Variants in CLPX observed in about 807,000 individuals in gnomAD.
CLPX encodes caseinolytic mitochondrial matrix peptidase chaperone subunit X.
CLPX carries 34 observed loss-of-function variants against 76.4 expected under a neutral mutation model. That is an observed-to-expected ratio of 0.45 (90% CI 0.34 to 0.59). The LOEUF is 0.59. CLPX is among the 20% of genes least tolerant of loss of function. The probability of loss-of-function intolerance (pLI) is 0.01; values close to 1 mark genes in which losing one functional copy is unlikely to be tolerated. For synonymous variants in CLPX, 248 were observed against 270.9 expected (o/e 0.92, Z 0.83); for missense variants, 613 against 757.0 (o/e 0.81, Z 2.23).
At chr15:65,172,065 A>G (rs2088015902) in intron 3 of CLPX, among the ~76,000 whole-genome samples, 1 of 152,068 alleles carries the variant, frequency 6.6e-6, no homozygotes, top group South Asian at 2.1e-4. Flanking sequence ...GCGCGATCTC[A>G]GCTCACCGCA....
Position 65,165,139 on chromosome 15 carries a change from C to A in CLPX, c.514-951G>T, listed in dbSNP as rs1036300279. On this transcript the variant is annotated intron_variant, in intron 4 of 13. Coordinates refer to ENST00000300107, the MANE Select transcript of CLPX (RefSeq NM_006660.5). ...ATCACTTGAGCCCAGGAGGTGCAGA[C>A]CAGCCTGGACAACATGGCAAAACCC... Among the ~76,000 whole-genome samples, 6 of 151,966 alleles carry A rather than the reference C, an allele frequency of 3.9e-5. No individual in the cohort carries two copies. In the South Asian group the frequency reaches 1.0e-3, roughly 26 times the overall value.
In CLPX at chr15:65,148,356, T is replaced by G. The variant is rs11174; in HGVS notation, c.*2467A>C. 1.3e-5 allele frequency: 2 copies of G among 152,196 alleles called. No homozygotes were observed. The highest frequency in any genetic ancestry group is 2.9e-5 in the Non-Finnish European group (2 of 68,044). 9.4% of individuals were successfully genotyped at this position (152,196 alleles called of 1,614,324 possible). A position where few individuals can be genotyped will look rare whatever the true frequency, so the allele number is the denominator to read the frequency against. ...TGTAAGTTGTTGTGACTAAAATGCCTCCCCAGTACATTTCTGGAGGATTAA... is the reference window on the plus strand; with the variant it reads ...TGTAAGTTGTTGTGACTAAAATGCCGCCCCAGTACATTTCTGGAGGATTAA... On this transcript the variant is annotated 3_prime_UTR_variant, in exon 14 of 14. Coordinates refer to ENST00000300107, the MANE Select transcript of CLPX (RefSeq NM_006660.5).
At chr15:65,151,703 T>A (rs959201197) in intron 13 of CLPX, among the ~76,000 whole-genome samples, 4 of 152,084 alleles carry the variant, frequency 2.6e-5, no homozygotes, top group South Asian at 2.1e-4. Context: ...AAATAAAAGA[T>A]TATATCTCTC....
intron 9 of CLPX, among the ~76,000 whole-genome samples, chr15:65,156,133 G>A (rs557159951): frequency 2.0e-4 from 31 of 152,198 alleles, no homozygotes; most frequent in Admixed American, 3.9e-4. Context: ...ACATAATTCT[G>A]ACATAAACAC....
chr15:65,185,257 C>T lies in CLPX; in HGVS notation c.-104G>A, dbSNP rs1184789466. 2 of 936,508 alleles carry T rather than the reference C, an allele frequency of 2.1e-6. No homozygotes were observed. Among genetic ancestry groups the T allele is most frequent in the Non-Finnish European group, 3.3e-6 (2 of 608,994 alleles). 58.0% of individuals were successfully genotyped at this position (936,508 alleles called of 1,614,324 possible). On this transcript the variant is annotated 5_prime_UTR_variant, in exon 1 of 14. Transcript: ENST00000300107. ...GCTGACTCGGTTCCGAACCCTTTCG[C>T]GGGCCCTAGACCCCGTGGAGAGTTC...
At chr15:65,168,530 T>C (rs1281977125) in intron 3 of CLPX, among the ~76,000 whole-genome samples, 3 of 136,710 alleles carry the variant, frequency 2.2e-5, no homozygotes, top group East Asian at 2.2e-4. Flanking sequence ...TTCTCACTCA[T>C]AGATGGGAAC....
At chr15:65,167,140 G>A (rs2087926381) in intron 3 of CLPX, among the ~76,000 whole-genome samples, 2 of 151,566 alleles carry the variant, frequency 1.3e-5, no homozygotes, top group South Asian at 2.1e-4. Flanking sequence ...GTGTGATCTC[G>A]GCTCACTGCA....
chr15:65,175,648 T>A (rs944374392), intron 3 of CLPX, among the ~76,000 whole-genome samples: 1 of 152,144 alleles, frequency 6.6e-6, no homozygotes, highest in Admixed American at 6.6e-5. Context: ...CTACATGAAA[T>A]CTGAAATCTG....
At chr15:65,168,227 T>C (rs1384043264) in intron 3 of CLPX, among the ~76,000 whole-genome samples, 3 of 149,550 alleles carry the variant, frequency 2.0e-5, no homozygotes, top group Non-Finnish European at 3.0e-5. Context: ...CTACTAAAAA[T>C]AGAAAAATTA....
intron 3 of CLPX, among the ~76,000 whole-genome samples, chr15:65,173,292 G>A (rs1014260827): frequency 6.6e-6 from 1 of 151,258 alleles, no homozygotes; most frequent in African/African-American, 2.4e-5. Context: ...GCTTGAATCT[G>A]GGAGGTGGAG....
At chr15:65,158,083 G>C (rs2087812067) in intron 7 of CLPX, 173 bp from the exon 8 acceptor site, 3 of 535,230 alleles carry the variant, frequency 5.6e-6, no homozygotes, top group Non-Finnish European at 9.6e-6. Flanking sequence ...ACCCAGGCTG[G>C]AGTGCAGCCT....
At chr15:65,160,623 TCACACA>T (rs375655324) in intron 6 of CLPX, among the ~76,000 whole-genome samples, 307 of 101,012 alleles carry the variant, frequency 3.0e-3, no homozygotes, top group South Asian at 7.7e-3. Context: ...TCTCTCTCTC[TCACACA>T]CACACACACA....
chr15:65,177,992 C>T (rs962798084), intron 3 of CLPX, among the ~76,000 whole-genome samples: 4 of 152,062 alleles, frequency 2.6e-5, no homozygotes, highest in African/African-American at 4.8e-5. Flanking sequence ...TGGGGTTTTG[C>T]CATGTTGCTC....
intron 1 of CLPX, chr15:65,184,290 T>TG (rs1242469126): frequency 6.6e-6 from 1 of 152,254 alleles, no homozygotes; most frequent in Non-Finnish European, 1.5e-5. Flanking sequence ...CTCTCTTGGC[T>TG]GGGGCGCCAT....
intron 2 of CLPX, among the ~76,000 whole-genome samples, chr15:65,179,427 C>T (rs1049770475): frequency 6.6e-6 from 1 of 152,162 alleles, no homozygotes; most frequent in Non-Finnish European, 1.5e-5. Context: ...TTAGATCTAA[C>T]TTTTCTCATC....
At chr15:65,178,142 G>A (rs2088114005) in intron 3 of CLPX, among the ~76,000 whole-genome samples, 1 of 152,058 alleles carries the variant, frequency 6.6e-6, no homozygotes. Context: ...ATTATCAGAT[G>A]CTTCCCGGAA....
At chr15:65,157,647 T>C in intron 8 of CLPX, 99 bp downstream of exon 8, 1 of 1,136,190 alleles carries the variant, frequency 8.8e-7, no homozygotes, top group Non-Finnish European at 1.2e-6. Flanking sequence ...AATTACAGAA[T>C]TTTAGTCCTT....
chr15:65,153,563 C>T lies in CLPX; in HGVS notation c.1688G>A (p.Gly563Asp). ...CCAACTCACCATTATGGACCGAAGGCCTCGTGCACCTGTTTTTCGTTCTAG... is the reference window on the plus strand; with the variant it reads ...CCAACTCACCATTATGGACCGAAGGTCTCGTGCACCTGTTTTTCGTTCTAG... ...LALERKTGAR[G>D]LRSIMEKLLL... is the part of the protein sequence containing the mutation. Residue 563 changes from glycine (G) to aspartate (D), a missense_variant, in exon 12 of 14, where the codon GGC becomes GAC. Physicochemically the swap from Gly to Asp is moderately conservative, Grantham distance 94. Transcript: ENST00000300107. The T allele has an allele frequency of 6.3e-7, 1 of 1,594,348 alleles. No homozygotes were observed. Among genetic ancestry groups the T allele is most frequent in the Non-Finnish European group, 8.5e-7 (1 of 1,169,818 alleles).
At chr15:65,154,165 A>G (rs890155159) in intron 11 of CLPX, among the ~76,000 whole-genome samples, 5 of 152,250 alleles carry the variant, frequency 3.3e-5, no homozygotes, top group Admixed American at 3.3e-4. Context: ...TCAATGATCC[A>G]TTCCAGAAGT....
Sources: allele counts gnomAD v4.1 joint callset (sites outside exome capture counted in the v4.1 genomes callset), GRCh38; gene constraint gnomAD v4.1.1; transcripts MANE v1.5; gene names NCBI Gene and HGNC (gene_info 2026-07-23, HGNC 2026-07-21).